PDXDC1: variants seen among roughly 807,000 people sequenced by gnomAD.
PDXDC1 encodes pyridoxal-dependent decarboxylase domain-containing protein 1.
In PDXDC1, 42 loss-of-function variants were observed where a neutral mutation model predicts 100.1. The observed-to-expected ratio is 0.42, with a 90% CI of 0.33 to 0.54. The LOEUF is 0.54. Ranked by LOEUF, PDXDC1 falls within the 20% of genes least tolerant of loss-of-function variation. The probability of loss-of-function intolerance (pLI) is 0.10; values close to 1 mark genes in which losing one functional copy is unlikely to be tolerated. For synonymous variants in PDXDC1, 260 were observed against 371.7 expected (o/e 0.70, Z 3.46); for missense variants, 636 against 979.2 (o/e 0.65, Z 4.68).
intron 16 of PDXDC1, chr16:15,065,242 G>A: frequency 1.9e-6 from 3 of 1,613,700 alleles, no homozygotes; most frequent in Non-Finnish European, 2.5e-6. Context: ...AGGGATCAAA[G>A]GGGAAGAAGG....
intron 1 of PDXDC1, among the ~76,000 whole-genome samples, chr16:14,977,425 G>A (rs1237007811): frequency 5.3e-5 from 8 of 152,348 alleles, no homozygotes; most frequent in Admixed American, 2.0e-4. Flanking sequence ...GACTACAGGC[G>A]TGTGACACCA....
Position 15,034,282 on chromosome 16 carries a change from A to G in PDXDC1, c.1813-4A>G, listed in dbSNP as rs777231147. 7 of 1,612,832 alleles carry G rather than the reference A, an allele frequency of 4.3e-6. No individual in the cohort carries two copies. In the South Asian group the frequency reaches 5.5e-5, roughly 13 times the overall value. On this transcript the variant is annotated splice_region_variant and splice_polypyrimidine_tract_variant and intron_variant, in intron 19 of 22. Transcript: ENST00000396410. Reference sequence around the variant, plus strand: ...AAGTAATGTCTTTCTTGGTCTTGCCACAGCTTCTGGAAAACATGACAGAAG... The same window carrying G: ...AAGTAATGTCTTTCTTGGTCTTGCCGCAGCTTCTGGAAAACATGACAGAAG...
chr16:15,009,797 A>G lies in PDXDC1; in HGVS notation c.727+38A>G, dbSNP rs1480637959. On this transcript the variant is annotated intron_variant, in intron 8 of 22. Transcript: ENST00000396410. The stretch of plus-strand genomic sequence containing the variant: ...ATGCTGAATCTACCATTTTGAATAT[A>G]TAGGAGCGAGGCTACGTCCTCAGCC... 7 of 1,613,536 alleles carry G rather than the reference A, an allele frequency of 4.3e-6. No homozygotes were observed. The South Asian group carries it at 4.4e-5, about 10-fold the overall frequency.
At chr16:15,078,891 A>C (rs1384546709) in intron 16 of PDXDC1, among the ~76,000 whole-genome samples, 1 of 149,288 alleles carries the variant, frequency 6.7e-6, no homozygotes. Context: ...GGCTCACTGC[A>C]AGCTCCACCT....
intron 16 of PDXDC1, chr16:15,123,634 C>A: frequency 1.7e-6 from 1 of 575,342 alleles, no homozygotes; most frequent in Non-Finnish European, 3.0e-6. Flanking sequence ...CAAAAATTAA[C>A]CTGACTTATT....
At chr16:15,032,097 C>T (rs549754595) in intron 17 of PDXDC1, 191 bp downstream of exon 17, 2 of 590,632 alleles carry the variant, frequency 3.4e-6, no homozygotes, top group African/African-American at 1.9e-5. Flanking sequence ...GCGTGGCGCT[C>T]AGGGAGGGGA....
In PDXDC1 at chr16:15,092,434, T is replaced by A. The variant is rs2046171226; in HGVS notation, c.1400-46445T>A. 1.6e-5 allele frequency: 14 copies of A among 850,410 alleles called. No individual in the cohort carries two copies. The East Asian group carries it at 3.1e-4, about 19-fold the overall frequency. The allele number at this position is 850,410 out of a possible 1,614,324, so 52.7% of individuals were successfully genotyped here. A position where few individuals can be genotyped will look rare whatever the true frequency, so the allele number is the denominator to read the frequency against. On this transcript the variant is annotated intron_variant, in intron 16 of 16. Transcript: ENST00000535621. ...ATCTTAATTAATCTTGCTATTTCTA[T>A]TGGTCTTTAGTATAACAGCAATAGT...
At chr16:15,052,584 C>T (rs1423735146) in intron 16 of PDXDC1, among the ~76,000 whole-genome samples, 1 of 152,206 alleles carries the variant, frequency 6.6e-6, no homozygotes, top group East Asian at 1.9e-4. Context: ...CCTGTAATCC[C>T]AGCACTTTGG....
chr16:15,024,779 C>T (rs1277511461), intron 13 of PDXDC1, among the ~76,000 whole-genome samples: 5 of 152,294 alleles, frequency 3.3e-5, no homozygotes, highest in Non-Finnish European at 7.3e-5. Context: ...CTCACCTCTT[C>T]AGAAAGGCCT....
chr16:15,082,311 G>C (rs2045741248), intron 16 of PDXDC1, among the ~76,000 whole-genome samples: 1 of 152,024 alleles, frequency 6.6e-6, no homozygotes, highest in Non-Finnish European at 1.5e-5. Context: ...CATCTACTGA[G>C]ATGATTATGT....
chr16:15,080,681 T>C (rs1337689134), intron 16 of PDXDC1, among the ~76,000 whole-genome samples: 1 of 152,212 alleles, frequency 6.6e-6, no homozygotes. Flanking sequence ...TTCAGCCTCC[T>C]GAAGTGCTGT....
chr16:15,077,030 A>G lies in PDXDC1; in HGVS notation c.1399+46974A>G, dbSNP rs1200058731. Among the ~76,000 whole-genome samples, 8 of 148,000 alleles carry G rather than the reference A, an allele frequency of 5.4e-5. No homozygotes were observed. The South Asian group carries it at 1.3e-3, about 24-fold the overall frequency. On this transcript the variant is annotated intron_variant, in intron 16 of 16. Transcript: ENST00000535621. ...GTTTTGCTCTTGTTGCCCAGGCTGG[A>G]ATACAATGGCAAGATCTCGGCTCAC...
chr16:15,048,116 A>T (rs542738123), intron 16 of PDXDC1: 14 of 1,515,284 alleles, frequency 9.2e-6, no homozygotes, highest in South Asian at 2.4e-5. Flanking sequence ...AATTAAAAAA[A>T]AAATAAAATA....
chr16:15,129,162 G>A (rs1366634658), intron 16 of PDXDC1, among the ~76,000 whole-genome samples: 25 of 151,628 alleles, frequency 1.6e-4, no homozygotes, highest in African/African-American at 3.4e-4. Flanking sequence ...GATAAAAGCA[G>A]CACGGAAATA....
the PDXDC1 span, among the ~76,000 whole-genome samples, chr16:15,152,131 A>G: frequency 2.8e-5 from 4 of 141,504 alleles, no homozygotes; most frequent in Non-Finnish European, 3.2e-5. Flanking sequence ...CGGCAGCATC[A>G]TTAACCCAAG....
In PDXDC1 at chr16:15,010,199, A is replaced by G. The variant is rs568960862; in HGVS notation, c.727+440A>G. ...ATTGCTGGGATTACAGGTGCATGCC[A>G]CCACATCTGGCTAATTTCTTGTATT... On this transcript the variant is annotated intron_variant, in intron 8 of 22. Coordinates refer to ENST00000396410, the MANE Select transcript of PDXDC1 (RefSeq NM_015027.4). 11 of 176,138 alleles carry G rather than the reference A, an allele frequency of 6.2e-5. No individual in the cohort carries two copies. In the East Asian group the frequency reaches 2.0e-3, roughly 32 times the overall value. 10.9% of individuals were successfully genotyped at this position (176,138 alleles called of 1,614,324 possible).
intron 16 of PDXDC1, among the ~76,000 whole-genome samples, chr16:15,117,705 GAA>G (rs1283184325): frequency 1.8e-4 from 5 of 27,542 alleles, no homozygotes; most frequent in Admixed American, 4.9e-4. Context: ...GGTGAGAAAA[GAA>G]AAAAAAAAAA....
At chr16:15,040,780 C>T (rs2151689907), downstream of PDXDC1, among the ~76,000 whole-genome samples, 1 of 152,272 alleles carries the variant, frequency 6.6e-6, no homozygotes, top group South Asian at 2.1e-4. Flanking sequence ...GAAACAAAAC[C>T]AGGCACTTTC....
At chr16:15,109,978 A>AC (rs1217521003) in intron 16 of PDXDC1, among the ~76,000 whole-genome samples, 1 of 145,796 alleles carries the variant, frequency 6.9e-6, no homozygotes, top group African/African-American at 2.5e-5. Flanking sequence ...ACATGGTGAA[A>AC]CCCCATCTCT....
Sources: gnomAD v4.1 joint callset for allele counts (sites outside exome capture counted in the v4.1 genomes callset) on GRCh38, gnomAD v4.1.1 for gene constraint, MANE v1.5 for transcripts, NCBI Gene and HGNC (gene_info 2026-07-23, HGNC 2026-07-21) for gene names.